The following RTTN variants were observed in gnomAD, a reference collection of about 807,000 sequenced individuals.
RTTN encodes the protein rotatin.
A neutral mutation model predicts 269.2 loss-of-function variants in RTTN; 182 were observed. That is an observed-to-expected ratio of 0.68 (90% CI 0.60 to 0.76). The LOEUF (loss-of-function observed/expected upper bound fraction) is 0.76, where lower values mean the gene tolerates loss of function less well. RTTN is among the 30% of genes least tolerant of loss of function. The pLI is 0.00. For synonymous variants in RTTN, 1,006 were observed against 963.5 expected (o/e 1.04, Z -0.82); for missense variants, 2,545 against 2,608.6 (o/e 0.98, Z 0.53).
At chr18:70,179,750 T>G (rs997177305) in intron 10 of RTTN, among the ~76,000 whole-genome samples, 1 of 152,198 alleles carries the variant, frequency 6.6e-6, no homozygotes, top group African/African-American at 2.4e-5. Flanking sequence ...CAATATACAA[T>G]GGGTTGTGGA....
At chr18:70,141,609 T>C (rs1378059571) in intron 19 of RTTN, among the ~76,000 whole-genome samples, 2 of 151,688 alleles carry the variant, frequency 1.3e-5, no homozygotes, top group Non-Finnish European at 2.9e-5. Context: ...AACATCACAC[T>C]CCCGGGCCTG....
intron 16 of RTTN, 149 bp from the exon 17 acceptor site, chr18:70,149,186 A>C (rs1046809975): frequency 2.9e-6 from 2 of 679,346 alleles, no homozygotes; most frequent in Non-Finnish European, 4.7e-6. Context: ...AATAACTTCT[A>C]TGAGCCAAGG....
rs769609021 is a variant in RTTN, at chr18:70,030,094, T to C, written c.5663A>G (p.Asn1888Ser). The part of the protein sequence containing the change: ...KHALKANLID[N>S]CMEQMKHINA... The stretch of plus-strand genomic sequence containing the variant: ...TATGTGTTTCATCTGCTCCATGCAA[T>C]TGTCTATAAGATTGGCTGAAAGACA... The change falls in exon 42 of 49, where the codon AAT (asparagine) becomes AGT (serine). Residue 1888 changes from asparagine (N) to serine (S), a missense_variant. By Grantham distance (46) the Asn-to-Ser change is conservative (BLOSUM62 1). Transcript: ENST00000640769. 2 of 1,612,064 alleles carry C rather than the reference T, an allele frequency of 1.2e-6. No individual in the cohort carries two copies. The highest frequency in any genetic ancestry group is 2.2e-5 in the East Asian group (1 of 44,810).
chr18:70,182,273 A>C (rs2061437104), intron 10 of RTTN, among the ~76,000 whole-genome samples: 1 of 152,172 alleles, frequency 6.6e-6, no homozygotes, highest in African/African-American at 2.4e-5. Flanking sequence ...TCTTTCTTAC[A>C]TGGGTATTGT....
intron 10 of RTTN, among the ~76,000 whole-genome samples, chr18:70,180,442 A>T (rs989452973): frequency 6.6e-6 from 1 of 152,116 alleles, no homozygotes; most frequent in Admixed American, 6.5e-5. Context: ...ATTAGCCAGG[A>T]GTGGTGGTAC....
At chr18:70,125,566 A>G (rs1369216607) in intron 25 of RTTN, among the ~76,000 whole-genome samples, 1 of 152,066 alleles carries the variant, frequency 6.6e-6, no homozygotes, top group African/African-American at 2.4e-5. Flanking sequence ...AATACAATAA[A>G]AAACCATTCA....
At chr18:70,110,745 G>A (rs1014410715) in intron 27 of RTTN, among the ~76,000 whole-genome samples, 2 of 152,218 alleles carry the variant, frequency 1.3e-5, no homozygotes, top group Non-Finnish European at 2.9e-5. Flanking sequence ...GCTGAAGCCA[G>A]GGAGCCAAGT....
intron 11 of RTTN, among the ~76,000 whole-genome samples, chr18:70,175,045 C>CAAAAAAAAAAAAAAAAAAA (rs5825998): frequency 1.7e-4 from 15 of 86,810 alleles, no homozygotes; most frequent in Admixed American, 4.5e-4. Flanking sequence ...AAACCAAAAC[C>CAAAAAAAAAAAAAAAAAAA]AAAAAAAAAA....
In RTTN at chr18:70,028,750, A is replaced by C. The variant is rs2056924417; in HGVS notation, c.5797T>G (p.Cys1933Gly). ...LSIAMQLLRN[C>G]LYQNEECKEA... ...TTACATTCCTCATTTTGATAAAGAC[A>C]GTTTCTTAGGAGCTGCATGGCAATG... The change falls in exon 43 of 49, where the codon TGT (cysteine) becomes GGT (glycine). Residue 1933 changes from cysteine to glycine, a missense_variant. By Grantham distance (159) the Cys-to-Gly change is radical. Coordinates refer to ENST00000640769, the MANE Select transcript of RTTN (RefSeq NM_173630.4). 5 of 1,610,406 alleles carry C rather than the reference A, an allele frequency of 3.1e-6. No homozygotes were observed. In the East Asian group the frequency reaches 8.9e-5, roughly 29 times the overall value.
intron 40 of RTTN, among the ~76,000 whole-genome samples, chr18:70,042,933 A>G (rs2057388389): frequency 6.6e-6 from 1 of 152,216 alleles, no homozygotes; most frequent in South Asian, 2.1e-4. Context: ...GAGATGGGAG[A>G]CAGCATGCAG....
At chr18:70,068,399 G>A (rs1366482742) in intron 34 of RTTN, among the ~76,000 whole-genome samples, 1 of 152,148 alleles carries the variant, frequency 6.6e-6, no homozygotes, top group Admixed American at 6.5e-5. Flanking sequence ...TTGAGACTAG[G>A]ATTCTCAGTC....
At chr18:70,042,407 G>A (rs8084612) in intron 40 of RTTN, among the ~76,000 whole-genome samples, 81 of 117,366 alleles carry the variant, frequency 6.9e-4, no homozygotes, top group African/African-American at 9.8e-4. Flanking sequence ...ACGGAGTCTC[G>A]CTCTGTCGCC....
At chr18:70,015,587 T>C (rs1435011374) in intron 46 of RTTN, among the ~76,000 whole-genome samples, 1 of 152,156 alleles carries the variant, frequency 6.6e-6, no homozygotes, top group African/African-American at 2.4e-5. Flanking sequence ...CTGATGTCTC[T>C]TATCTTACCC....
intron 28 of RTTN, among the ~76,000 whole-genome samples, chr18:70,093,743 G>C (rs748155496): frequency 2.0e-5 from 3 of 152,182 alleles, no homozygotes; most frequent in Admixed American, 6.5e-5. Flanking sequence ...GTTCCTCAGT[G>C]ATAATGACCT....
At chr18:70,192,387 C>T (rs891334618) in intron 8 of RTTN, among the ~76,000 whole-genome samples, 2 of 152,066 alleles carry the variant, frequency 1.3e-5, no homozygotes, top group Non-Finnish European at 2.9e-5. Flanking sequence ...AATCTGGGTG[C>T]CAAGCACTGG....
intron 10 of RTTN, among the ~76,000 whole-genome samples, chr18:70,186,739 G>A (rs2061555729): frequency 6.6e-6 from 1 of 152,132 alleles, no homozygotes; most frequent in Non-Finnish European, 1.5e-5. Flanking sequence ...TGGAGCTGGA[G>A]GCCATTATCC....
chr18:70,197,361 G>A (rs537528335), intron 6 of RTTN, among the ~76,000 whole-genome samples: 2 of 152,324 alleles, frequency 1.3e-5, no homozygotes, highest in East Asian at 3.9e-4. Flanking sequence ...AATGTCCAAA[G>A]TCTACTCTAC....
chr18:70,129,244 T>C (rs2059939500), intron 23 of RTTN: 1 of 151,964 alleles, frequency 6.6e-6, no homozygotes, highest in African/African-American at 2.4e-5. Flanking sequence ...TGCATGTAAA[T>C]TTGCATCCTA....
At chr18:70,176,637 G>A in intron 11 of RTTN, 38 bp downstream of exon 11, 1 of 1,568,692 alleles carries the variant, frequency 6.4e-7, no homozygotes. Flanking sequence ...ATTTATAATA[G>A]TCTGTAAAGT....
Sources: allele counts gnomAD v4.1 joint callset (sites outside exome capture counted in the v4.1 genomes callset), GRCh38; gene constraint gnomAD v4.1.1; transcripts MANE v1.5; gene names NCBI Gene and HGNC (gene_info 2026-07-23, HGNC 2026-07-21).